ECEL1: variants seen among roughly 807,000 people sequenced by gnomAD.
The protein encoded by ECEL1 is endothelin-converting enzyme-like 1.
Under a neutral mutation model 101.8 loss-of-function variants are expected in ECEL1, and 87 were observed. The observed-to-expected ratio is 0.85, with a 90% CI of 0.72 to 1.02. The LOEUF (loss-of-function observed/expected upper bound fraction) is 1.02, where lower values mean the gene tolerates loss of function less well. Ranked by LOEUF, ECEL1 falls within the 50% of genes least tolerant of loss-of-function variation. The probability of loss-of-function intolerance (pLI) is 0.00; values close to 1 mark genes in which losing one functional copy is unlikely to be tolerated. For synonymous variants in ECEL1, 487 were observed against 468.7 expected, an observed-to-expected ratio of 1.04 and a Z score of -0.50; for missense variants, 1,032 against 1,079.2, an observed-to-expected ratio of 0.96 and a Z score of 0.61.
Position 232,480,011 on chromosome 2 carries a change from C to T in ECEL1, c.*142G>A. On this transcript the variant is annotated 3_prime_UTR_variant, in exon 18 of 18. Transcript: ENST00000304546. ...TCCAGGCCCCTCCTGAAGTGAGGGG[C>T]AGCAGGGGGACCGGGTCCTGGAGGG... 1.4e-6 allele frequency: 1 copy of T among 740,386 alleles called. No homozygotes were observed. The highest frequency in any genetic ancestry group is 2.2e-6 in the Non-Finnish European group (1 of 445,852). The allele number at this position is 740,386 out of a possible 1,614,324, so 45.9% of individuals were successfully genotyped here.
In ECEL1 at chr2:232,482,594, G is replaced by C. The variant is rs183806308; in HGVS notation, c.1700C>G (p.Pro567Arg). The change falls in exon 11 of 18, where the codon CCA becomes CGA. Residue 567 changes from proline (P) to arginine (R), a missense_variant. Pro to Arg is a moderately radical substitution (Grantham distance 103). Transcript: ENST00000304546. ...EVDKSTWLLP[P>R]QALNAYYLPN... is the part of the protein sequence containing the mutation. The stretch of plus-strand genomic sequence containing the variant: ...TAGATAGTAGGCATTGAGCGCCTGT[G>C]GGGGGAGCAGCCACCTGTGGAGGGA... 18 of 1,612,236 alleles carry C rather than the reference G, an allele frequency of 1.1e-5. No homozygotes were observed. Among genetic ancestry groups the C allele is most frequent in the South Asian group, 5.5e-5 (5 of 90,980 alleles).
At position 232,485,272 on chromosome 2, in the gene ECEL1, G is replaced by C. The variant is rs1316361570; in HGVS notation, c.787-5C>G. On this transcript the variant is annotated splice_region_variant and splice_polypyrimidine_tract_variant and intron_variant, in intron 2 of 17. Coordinates refer to ENST00000304546, the MANE Select transcript of ECEL1 (RefSeq NM_004826.4). The stretch of plus-strand genomic sequence containing the variant: ...GGTGAGCCCATCCTGGTCAATCTGG[G>C]GAGGGAGACAGGGGCCACAGGTCAG... The C allele has an allele frequency of 6.2e-7, 1 of 1,613,106 alleles. No individual in the cohort carries two copies. Among genetic ancestry groups the C allele is most frequent in the African/African-American group, 1.3e-5 (1 of 75,022 alleles).
chr2:232,480,488 G>A lies in ECEL1; in HGVS notation c.2152-13C>T, dbSNP rs1690549288. ...TGATGCACCAGTTCTGGGTCCAGGA[G>A]CGGGGTGGAGGGGAGGAGGGGGAGA... On this transcript the variant is annotated splice_polypyrimidine_tract_variant and intron_variant, in intron 16 of 17. Transcript: ENST00000304546. The A allele has an allele frequency of 6.2e-7, 1 of 1,613,732 alleles. No individual in the cohort carries two copies. Among genetic ancestry groups the A allele is most frequent in the Non-Finnish European group, 8.5e-7 (1 of 1,179,886 alleles).
rs756675006 is a variant in ECEL1, at chr2:232,481,562, G to A, written c.1933C>T (p.Arg645Ter). The A allele has an allele frequency of 3.7e-6, 6 of 1,613,692 alleles. No individual in the cohort carries two copies. The highest frequency in any genetic ancestry group is 1.3e-5 in the African/African-American group (1 of 74,924). Residue 645 changes from arginine to a stop codon, truncating the protein, a stop_gained, in exon 14 of 18, where the codon CGA becomes TGA. Coordinates refer to ENST00000304546, the MANE Select transcript of ECEL1 (RefSeq NM_004826.4). LOFTEE classifies it high-confidence loss of function. The stretch of plus-strand genomic sequence containing the variant: ...AGACGGACGATGCACTCAGCCTTTC[G>A]CAGGAAGCGGCTGTAGGAGGCCTCC... ...WTEASYSRFL[R>*]KAECIVRLYD...
At chr2:232,483,355 T>A in intron 8 of ECEL1, 61 bp downstream of exon 8, 8 of 1,566,378 alleles carry the variant, frequency 5.1e-6, no homozygotes, top group Non-Finnish European at 7.0e-6. Flanking sequence ...TCTCTTTCGC[T>A]GGTACACAGT....
chr2:232,483,250 C>T (rs1360940884), intron 8 of ECEL1, 71 bp from the exon 9 acceptor site: 2 of 1,490,146 alleles, frequency 1.3e-6, no homozygotes, highest in African/African-American at 2.8e-5. Context: ...ACCCTACCCA[C>T]CAAGGAAGGG....
chr2:232,483,011 T>A (rs570941848), intron 9 of ECEL1, 57 bp from the exon 10 acceptor site: 1 of 1,612,370 alleles, frequency 6.2e-7, no homozygotes, highest in East Asian at 2.2e-5. Flanking sequence ...ACCTGCAGAC[T>A]GGGCAACAAC....
In ECEL1 at chr2:232,482,057, A is replaced by G. The variant is rs971951690; in HGVS notation, c.1797-208T>C. On this transcript the variant is annotated intron_variant, in intron 12 of 17. Coordinates refer to ENST00000304546, the MANE Select transcript of ECEL1 (RefSeq NM_004826.4). ...GAACCTATCCAGCTTCTTTTAGGAA[A>G]TCACATCTAACAGAGCTGGCTGGGC... Among the ~76,000 whole-genome samples, 5 of 152,232 alleles carry G rather than the reference A, an allele frequency of 3.3e-5. 1 individual carries two copies. Among genetic ancestry groups the G allele is most frequent in the Admixed American group, 2.6e-4 (4 of 15,290 alleles).
At chr2:232,483,775 G>C (rs1202487179) in intron 7 of ECEL1, among the ~76,000 whole-genome samples, 1 of 152,230 alleles carries the variant, frequency 6.6e-6, no homozygotes, top group African/African-American at 2.4e-5. Context: ...GTGGGCTGGG[G>C]CCTGGCAGGG....
rs1000051849 is a variant in ECEL1 at position 232,480,453 on chromosome 2, G to A, written c.2174C>T (p.Ser725Leu). ...FAQNWCIKRRSQSIYLQVLTD... is the reference protein window; with the variant it reads ...FAQNWCIKRRLQSIYLQVLTD... Reference sequence around the variant, plus strand: ...CAGCACCTGCAGGTAGATGGACTGCGACCGCCGCTTGATGCACCAGTTCTG... The same window carrying A: ...CAGCACCTGCAGGTAGATGGACTGCAACCGCCGCTTGATGCACCAGTTCTG... Residue 725 changes from serine to leucine, a missense_variant, in exon 17 of 18, where the codon TCG (serine) becomes TTG (leucine). Transcript: ENST00000304546. 1.2e-6 allele frequency: 2 copies of A among 1,613,902 alleles called. No homozygotes were observed. The highest frequency in any genetic ancestry group is 1.7e-6 in the Non-Finnish European group (2 of 1,179,964).
At chr2:232,483,014 G>A in intron 9 of ECEL1, 60 bp from the exon 10 acceptor site, 8 of 1,612,530 alleles carry the variant, frequency 5.0e-6, no homozygotes, top group Non-Finnish European at 6.8e-6. Context: ...TGCAGACTGG[G>A]CAACAACCTG....
In ECEL1 at chr2:232,485,855, G is replaced by C. The variant is rs750714401; in HGVS notation, c.786+13C>G. On this transcript the variant is annotated intron_variant, in intron 2 of 17. Coordinates refer to ENST00000304546, the MANE Select transcript of ECEL1 (RefSeq NM_004826.4). ...CCGCGGCCGCTGGCAGGGCGCTCAGGGGGCGCACTCACGCGGATGACGTAG... is the reference window on the plus strand; with the variant it reads ...CCGCGGCCGCTGGCAGGGCGCTCAGCGGGCGCACTCACGCGGATGACGTAG... 8.5e-5 allele frequency: 132 copies of C among 1,544,868 alleles called. 3 individuals are homozygous for C. In the African/African-American group the frequency reaches 1.6e-3, roughly 18 times the overall value.
rs776498012 is a variant in ECEL1, at chr2:232,484,856, A to C, written c.1004T>G (p.Val335Gly). Residue 335 changes from valine (V) to glycine (G), a missense_variant, in exon 5 of 18, where the codon GTC (valine) becomes GGC (glycine). By Grantham distance (109) the Val-to-Gly change is moderately radical (BLOSUM62 -3). Coordinates refer to ENST00000304546, the MANE Select transcript of ECEL1 (RefSeq NM_004826.4). ...CGTCACCTTGTTGTACATGGAGCTGACATCTCGCCGTAGGTCGTCATGCTC... is the reference window on the plus strand; with the variant it reads ...CGTCACCTTGTTGTACATGGAGCTGCCATCTCGCCGTAGGTCGTCATGCTC... ...VSEHDDLRRD[V>G]SSMYNKVTLG... The C allele has an allele frequency of 3.7e-6, 6 of 1,613,840 alleles. No homozygotes were observed. The South Asian group carries it at 6.6e-5, about 18-fold the overall frequency.
At position 232,483,997 on chromosome 2, in the gene ECEL1, C is replaced by T. The variant is rs1390605705; in HGVS notation, c.1407+4G>A. 2 of 1,597,670 alleles carry T rather than the reference C, an allele frequency of 1.3e-6. No homozygotes were observed. The highest frequency in any genetic ancestry group is 2.7e-5 in the African/African-American group (2 of 74,700). ...TCCTCCTCTCTCAAACAAGGGCAAC[C>T]CACCTTGGCTTTGCTGGCAGCTGAG... On this transcript the variant is annotated splice_donor_region_variant and intron_variant, in intron 7 of 17. Transcript: ENST00000304546.
At chr2:232,481,411 G>A (rs1690574645) in intron 14 of ECEL1, 95 bp downstream of exon 14, 2 of 1,517,748 alleles carry the variant, frequency 1.3e-6, no homozygotes, top group Non-Finnish European at 1.8e-6. Flanking sequence ...CACAGGTTTT[G>A]TTTGGACATG....
Position 232,486,168 on chromosome 2 carries a change from C to T in ECEL1, c.486G>A (p.Arg162=). The change falls in exon 2 of 18, where the codon CGG becomes CGA. Residue 162 remains arginine (R), a synonymous_variant. Transcript: ENST00000304546. ...AIGEQNEERL[R]RLLARPGGGP... Reference sequence around the variant, plus strand: ...CACCCCCGGGCCGCGCCAGCAGGCGCCGTAGGCGCTCCTCGTTTTGCTCGC... The same window carrying T: ...CACCCCCGGGCCGCGCCAGCAGGCGTCGTAGGCGCTCCTCGTTTTGCTCGC... 1 of 1,582,822 alleles carries T rather than the reference C, an allele frequency of 6.3e-7. No individual in the cohort carries two copies. The highest frequency in any genetic ancestry group is 1.1e-5 in the South Asian group (1 of 88,166).
intron 7 of ECEL1, 21 bp from the exon 8 acceptor site, chr2:232,483,535 G>T: frequency 6.3e-7 from 1 of 1,585,928 alleles, no homozygotes. Context: ...AGGGGTCAGG[G>T]AGCAAGGGTC....
intron 1 of ECEL1, among the ~76,000 whole-genome samples, 162 bp downstream of exon 1, chr2:232,487,557 G>C (rs1690764507): frequency 6.6e-6 from 1 of 151,856 alleles, no homozygotes; most frequent in Admixed American, 6.6e-5. Context: ...GGCGCAGTCC[G>C]CGGAGCCCGA....
chr2:232,483,313 C>T, intron 8 of ECEL1, 103 bp downstream of exon 8: 1 of 1,536,906 alleles, frequency 6.5e-7, no homozygotes, highest in African/African-American at 1.4e-5. Context: ...CAGGCCTGGT[C>T]AACTCCACGA....
Sources: allele counts gnomAD v4.1 joint callset (sites outside exome capture counted in the v4.1 genomes callset), GRCh38; gene constraint gnomAD v4.1.1; transcripts MANE v1.5; gene names NCBI Gene and HGNC (gene_info 2026-07-23, HGNC 2026-07-21).